The following DLG2 variants were observed in gnomAD, a reference collection of about 807,000 sequenced individuals.
DLG2 encodes disks large homolog 2.
Under a neutral mutation model 132.5 loss-of-function variants are expected in DLG2, and 45 were observed. The observed-to-expected ratio is 0.34, with a 90% CI of 0.27 to 0.44. DLG2 has a LOEUF of 0.44. Ranked by LOEUF, DLG2 falls within the 20% of genes least tolerant of loss-of-function variation. DLG2 has a pLI of 1.00. For missense variants in DLG2, 1,045 were observed against 1,196.9 expected (o/e 0.87, Z 1.87); for synonymous variants, 424 against 419.6 (o/e 1.01, Z -0.13).
chr11:85,298,189 G>C (rs571547671), intron 3 of DLG2, among the ~76,000 whole-genome samples: 28 of 152,270 alleles, frequency 1.8e-4, no homozygotes, highest in African/African-American at 6.5e-4. Context: ...TATCAGAAAA[G>C]AGAGTGAAAA....
intron 9 of DLG2, among the ~76,000 whole-genome samples, chr11:84,162,002 C>T (rs1235597872): frequency 3.9e-5 from 6 of 152,134 alleles, no homozygotes; most frequent in Non-Finnish European, 4.4e-5. Flanking sequence ...AAAGCACTCA[C>T]ACTTGATAAA....
chr11:84,974,070 C>A (rs534496799), intron 6 of DLG2, among the ~76,000 whole-genome samples: 2 of 152,144 alleles, frequency 1.3e-5, no homozygotes, highest in Non-Finnish European at 2.9e-5. Flanking sequence ...AGATACTGTT[C>A]TCCCAAACAG....
chr11:83,743,429 A>ATTTT (rs35572754), intron 18 of DLG2, among the ~76,000 whole-genome samples: 9 of 103,778 alleles, frequency 8.7e-5, no homozygotes, highest in Admixed American at 2.9e-4. Flanking sequence ...TGGGCAGGCC[A>ATTTT]TTTTTTTTTT....
intron 11 of DLG2, among the ~76,000 whole-genome samples, chr11:84,034,069 G>C (rs1905328): frequency 6.6e-6 from 1 of 151,718 alleles, no homozygotes; most frequent in African/African-American, 2.4e-5. Context: ...CAACAAGAGC[G>C]AAACTCGGTC....
chr11:83,821,495 T>C (rs535122266), intron 17 of DLG2, among the ~76,000 whole-genome samples: 1 of 152,284 alleles, frequency 6.6e-6, no homozygotes, highest in South Asian at 2.1e-4. Flanking sequence ...TTTTTATCAA[T>C]CTGCCATGCA....
At chr11:85,567,248 T>A (rs890123857) in intron 3 of DLG2, among the ~76,000 whole-genome samples, 3 of 152,232 alleles carry the variant, frequency 2.0e-5, no homozygotes, top group African/African-American at 7.2e-5. Context: ...ATTGAATCTA[T>A]ATCAATACAG....
chr11:84,944,888 C>T (rs2050000321), intron 6 of DLG2, among the ~76,000 whole-genome samples: 1 of 152,324 alleles, frequency 6.6e-6, no homozygotes, highest in Non-Finnish European at 1.5e-5. Flanking sequence ...CCGGCGTGAG[C>T]CATCGTGCCC....
chr11:84,233,594 G>A (rs1350480350), intron 8 of DLG2, among the ~76,000 whole-genome samples: 1 of 152,222 alleles, frequency 6.6e-6, no homozygotes, highest in Non-Finnish European at 1.5e-5. Flanking sequence ...CAGGATAAAA[G>A]ATTAGGGTGG....
intron 6 of DLG2, among the ~76,000 whole-genome samples, chr11:84,734,611 C>T (rs947652829): frequency 5.3e-5 from 8 of 151,950 alleles, no homozygotes; most frequent in Admixed American, 3.3e-4. Context: ...CCTCTTTTCC[C>T]AATTGAATAC....
rs767480646 is a variant in DLG2 at position 84,868,742 on chromosome 11, G to A, written c.357+242919C>T. On this transcript the variant is annotated intron_variant, in intron 6 of 27. Coordinates refer to ENST00000376104, the MANE Select transcript of DLG2 (RefSeq NM_001142699.3). ...TCACAGAAGAGATCTGTAGCTCAGC[G>A]ACGTTGCCAATATCTCAGACAAAAC... 6.6e-5 allele frequency among the ~76,000 whole-genome samples: 10 copies of A among 152,154 alleles called. 1 individual carries two copies.
At chr11:84,575,688 CA>C (rs2099498072) in intron 6 of DLG2, among the ~76,000 whole-genome samples, 1 of 152,100 alleles carries the variant, frequency 6.6e-6, no homozygotes, top group Admixed American at 6.6e-5. Flanking sequence ...ACAAACAATC[CA>C]CTTATACTCT....
At chr11:84,342,332 C>T (rs1242339055) in intron 7 of DLG2, among the ~76,000 whole-genome samples, 2 of 152,212 alleles carry the variant, frequency 1.3e-5, no homozygotes, top group African/African-American at 4.8e-5. Flanking sequence ...AGTACTAATA[C>T]AGCAGGAGTG....
chr11:83,661,776 G>A (rs886574433), intron 18 of DLG2, among the ~76,000 whole-genome samples: 1 of 152,044 alleles, frequency 6.6e-6, no homozygotes, highest in African/African-American at 2.4e-5. Flanking sequence ...AAGTAAATCC[G>A]CTACACCTTA....
chr11:83,789,385 G>T (rs372593753), intron 17 of DLG2, among the ~76,000 whole-genome samples: 17 of 148,532 alleles, frequency 1.1e-4, no homozygotes, highest in Non-Finnish European at 2.2e-4. Flanking sequence ...CGGGGCGGGA[G>T]GGGGGGCAGC....
At chr11:85,182,564 G>C (rs973713747) in intron 4 of DLG2, among the ~76,000 whole-genome samples, 1 of 151,568 alleles carries the variant, frequency 6.6e-6, no homozygotes. Flanking sequence ...ATAATTATTT[G>C]TCTGTGTGTG....
chr11:84,427,339 C>G (rs2098970185), intron 7 of DLG2, among the ~76,000 whole-genome samples: 1 of 152,076 alleles, frequency 6.6e-6, no homozygotes, highest in Admixed American at 6.6e-5. Flanking sequence ...GAATCATAAA[C>G]CCATGAAAAG....
intron 4 of DLG2, among the ~76,000 whole-genome samples, chr11:85,157,487 G>T (rs145341615): frequency 6.6e-6 from 1 of 152,090 alleles, no homozygotes; most frequent in Non-Finnish European, 1.5e-5. Flanking sequence ...TTCACCATTC[G>T]TGAGAGGCAA....
intron 6 of DLG2, among the ~76,000 whole-genome samples, chr11:85,081,524 G>A (rs989874635): frequency 6.6e-5 from 10 of 152,052 alleles, no homozygotes; most frequent in African/African-American, 2.4e-4. Flanking sequence ...TTTCCTCAAA[G>A]CCAGTCATAA....
At chr11:84,794,355 G>A (rs2074268599) in intron 6 of DLG2, among the ~76,000 whole-genome samples, 1 of 152,196 alleles carries the variant, frequency 6.6e-6, no homozygotes, top group African/African-American at 2.4e-5. Flanking sequence ...CTGCCATAAC[G>A]CCAACTGCAA....
Sources: allele counts gnomAD v4.1 joint callset (sites outside exome capture counted in the v4.1 genomes callset), GRCh38; gene constraint gnomAD v4.1.1; transcripts MANE v1.5; gene names NCBI Gene and HGNC (gene_info 2026-07-23, HGNC 2026-07-21).